KCNK2: variants seen among roughly 807,000 people sequenced by gnomAD.
KCNK2 encodes potassium channel subfamily K member 2.
In KCNK2, 21 loss-of-function variants were observed where a neutral mutation model predicts 40.5. That is an observed-to-expected ratio of 0.52 (90% confidence interval 0.37 to 0.75). The LOEUF (loss-of-function observed/expected upper bound fraction) is 0.75. KCNK2 is among the 30% of genes least tolerant of loss of function. The probability of loss-of-function intolerance (pLI) is 0.00; values close to 1 mark genes in which losing one functional copy is unlikely to be tolerated. For synonymous variants in KCNK2, 191 were observed against 202.2 expected (o/e 0.94, Z 0.47); for missense variants, 399 against 531.6 (o/e 0.75, Z 2.45).
At chr1:215,076,041 T>C (rs1658914790) in intron 1 of KCNK2, among the ~76,000 whole-genome samples, 1 of 152,264 alleles carries the variant, frequency 6.6e-6, no homozygotes, top group African/African-American at 2.4e-5. Context: ...TCTACAATTG[T>C]AGACAATGCT....
chr1:215,161,168 C>G (rs1663177586), intron 3 of KCNK2, among the ~76,000 whole-genome samples: 1 of 152,156 alleles, frequency 6.6e-6, no homozygotes, highest in African/African-American at 2.4e-5. Flanking sequence ...TGATAGAGCC[C>G]AAACTATTGA....
rs1230368763 is a variant in KCNK2 at position 215,189,698 on chromosome 1, T to G, written c.824-5255T>G. Reference sequence around the variant, plus strand: ...CTGTTGTTTAATACTGAAGTCATATTTCCATTTGTTATAAAGAAAATAGAA... The same window carrying G: ...CTGTTGTTTAATACTGAAGTCATATGTCCATTTGTTATAAAGAAAATAGAA... On this transcript the variant is annotated intron_variant, in intron 5 of 6. Transcript: ENST00000444842. 2.0e-5 allele frequency among the ~76,000 whole-genome samples: 3 copies of G among 152,168 alleles called. No individual in the cohort carries two copies. The East Asian group carries it at 5.8e-4, about 29-fold the overall frequency.
chr1:215,174,584 T>A (rs1663868573), intron 5 of KCNK2, among the ~76,000 whole-genome samples: 1 of 152,212 alleles, frequency 6.6e-6, no homozygotes, highest in Non-Finnish European at 1.5e-5. Flanking sequence ...TTCATGTCAT[T>A]GATTCTTCCT....
chr1:215,024,853 A>C (rs1656938659), intron 1 of KCNK2, among the ~76,000 whole-genome samples: 1 of 152,158 alleles, frequency 6.6e-6, no homozygotes, highest in Non-Finnish European at 1.5e-5. Context: ...CAGAGCTAAC[A>C]AATTTAATAG....
At chr1:215,169,988 T>C (rs992271644) in intron 4 of KCNK2, among the ~76,000 whole-genome samples, 1 of 152,130 alleles carries the variant, frequency 6.6e-6, no homozygotes, top group African/African-American at 2.4e-5. Context: ...TATATTCTCT[T>C]AAACTAGTTA....
chr1:215,072,462 T>A (rs747912057), intron 1 of KCNK2, among the ~76,000 whole-genome samples: 23 of 152,252 alleles, frequency 1.5e-4, no homozygotes, highest in Non-Finnish European at 2.9e-4. Flanking sequence ...GTTTATTTTT[T>A]AAAATTGCAT....
At chr1:215,097,374 C>T (rs928159953) in intron 2 of KCNK2, among the ~76,000 whole-genome samples, 12 of 151,176 alleles carry the variant, frequency 7.9e-5, no homozygotes, top group Admixed American at 4.6e-4. Flanking sequence ...ATTCTGATAC[C>T]TTCTCTTCCC....
chr1:215,062,641 G>A (rs1343586377), intron 1 of KCNK2, among the ~76,000 whole-genome samples: 1 of 151,342 alleles, frequency 6.6e-6, no homozygotes, highest in Non-Finnish European at 1.5e-5. Flanking sequence ...TTTTATTTAT[G>A]ATAATTAGAT....
chr1:215,068,495 GT>G (rs1658636624), intron 1 of KCNK2, among the ~76,000 whole-genome samples: 1 of 152,032 alleles, frequency 6.6e-6, no homozygotes, highest in Admixed American at 6.5e-5. Context: ...ACTAAACAAG[GT>G]TTTTTGTTTT....
At chr1:215,187,097 G>C (rs536458651) in intron 5 of KCNK2, among the ~76,000 whole-genome samples, 1 of 152,192 alleles carries the variant, frequency 6.6e-6, no homozygotes, top group Non-Finnish European at 1.5e-5. Flanking sequence ...AGCCTCCCAA[G>C]TTGCTGGGAC....
At chr1:215,055,598 C>T (rs1658130966) in intron 1 of KCNK2, among the ~76,000 whole-genome samples, 1 of 152,210 alleles carries the variant, frequency 6.6e-6, no homozygotes, top group Non-Finnish European at 1.5e-5. Context: ...TTCCTATATT[C>T]TTTAAGGTCT....
chr1:215,171,900 A>C, intron 4 of KCNK2, 97 bp from the exon 5 acceptor site: 3 of 830,172 alleles, frequency 3.6e-6, no homozygotes, highest in Non-Finnish European at 5.2e-6. Flanking sequence ...TATACAAGTA[A>C]TTTCTCTCTC....
At chr1:215,209,142 G>C (rs1665447723) in intron 6 of KCNK2, among the ~76,000 whole-genome samples, 2 of 147,674 alleles carry the variant, frequency 1.4e-5, no homozygotes, top group South Asian at 4.2e-4. Context: ...GCCTATTCTT[G>C]AGAAGCTATT....
intron 1 of KCNK2, among the ~76,000 whole-genome samples, chr1:215,070,914 G>A (rs1386671228): frequency 6.6e-6 from 1 of 152,012 alleles, no homozygotes; most frequent in African/African-American, 2.4e-5. Flanking sequence ...GTTTCACAGA[G>A]GAATATACTC....
At chr1:215,152,955 G>A (rs1480824296) in intron 3 of KCNK2, among the ~76,000 whole-genome samples, 3 of 152,060 alleles carry the variant, frequency 2.0e-5, no homozygotes, top group Non-Finnish European at 4.4e-5. Flanking sequence ...ATAAACTACT[G>A]CCTCCACATT....
At chr1:215,049,363 T>G (rs12062465) in intron 1 of KCNK2, among the ~76,000 whole-genome samples, 2,033 of 152,286 alleles carry the variant, frequency 0.013, 44 homozygotes, top group African/African-American at 0.046. Flanking sequence ...TTACACTGTT[T>G]TGAGAGATCT....
At chr1:215,025,228 T>C (rs1656962229) in intron 1 of KCNK2, among the ~76,000 whole-genome samples, 1 of 152,102 alleles carries the variant, frequency 6.6e-6, no homozygotes, top group South Asian at 2.1e-4. Context: ...ATTATGGTGA[T>C]GGTTAAATAA....
chr1:215,189,373 G>A (rs766627024), intron 5 of KCNK2, among the ~76,000 whole-genome samples: 2 of 152,126 alleles, frequency 1.3e-5, no homozygotes, highest in African/African-American at 2.4e-5. Context: ...ATTCCAAATT[G>A]TTCTAGATTG....
At chr1:215,205,726 G>A (rs1399787535) in intron 6 of KCNK2, among the ~76,000 whole-genome samples, 1 of 152,132 alleles carries the variant, frequency 6.6e-6, no homozygotes, top group Admixed American at 6.6e-5. Context: ...GTTGCCTTAA[G>A]CCACTAAGAT....
Sources: gnomAD v4.1 joint callset for allele counts (sites outside exome capture counted in the v4.1 genomes callset) on GRCh38, gnomAD v4.1.1 for gene constraint, MANE v1.5 for transcripts, NCBI Gene and HGNC (gene_info 2026-07-23, HGNC 2026-07-21) for gene names.